Variants in FTCDNL1 observed in about 807,000 individuals in gnomAD.
The protein encoded by FTCDNL1 is formiminotransferase N-terminal subdomain-containing protein.
Under a neutral mutation model 5.9 loss-of-function variants are expected in FTCDNL1, and 11 were observed. The observed-to-expected ratio is 1.87, with a 90% confidence interval of 1.18 to 3.10. FTCDNL1 has a LOEUF of 3.10. Among genes scored for constraint, FTCDNL1 ranks in the 30% most tolerant of loss-of-function variants. The pLI is 0.00. For missense variants in FTCDNL1, 115 were observed against 65.5 expected (o/e 1.76, Z -2.61); for synonymous variants, 58 against 24.8 (o/e 2.34, Z -3.99).
At chr2:199,750,820 A>G in the FTCDNL1 span, among the ~76,000 whole-genome samples, 1 of 152,272 alleles carries the variant, frequency 6.6e-6, no homozygotes, top group African/African-American at 2.4e-5. Flanking sequence ...TATCTAAGAT[A>G]GGAAGCCAGG....
chr2:199,714,187 T>G, the FTCDNL1 span, among the ~76,000 whole-genome samples: 26 of 152,356 alleles, frequency 1.7e-4, no homozygotes, highest in Admixed American at 1.5e-3. Flanking sequence ...TTATGTCTCA[T>G]GCCTACTTTC....
chr2:199,765,556 A>ATATATATTTTTTTTTTTTTTTTTTTTT, intron 3 of FTCDNL1, among the ~76,000 whole-genome samples: 3 of 42,666 alleles, frequency 7.0e-5, no homozygotes, highest in Non-Finnish European at 1.4e-4. Context: ...ATATATATAT[A>ATATATATTTTTTTTTTTTTTTTTTTTT]TTTTTTTTTT....
chr2:199,712,436 G>A, the FTCDNL1 span, among the ~76,000 whole-genome samples: 1 of 152,126 alleles, frequency 6.6e-6, no homozygotes, highest in Non-Finnish European at 1.5e-5. Flanking sequence ...GCTAGAAGAA[G>A]CCTTCTACCT....
At position 199,850,996 on chromosome 2, in the gene FTCDNL1, G is replaced by A. The variant is rs2106635294; in HGVS notation, c.-264C>T. On this transcript the variant is annotated 5_prime_UTR_variant, in exon 1 of 5. Coordinates refer to ENST00000420128, the MANE Select transcript of FTCDNL1 (RefSeq NM_001363886.2). ...GGCGCCTGGGAGCGAGGGGCAGCCGGCGGCTGCGCTGCCCCGGCCGAGCTC... is the reference window on the plus strand; with the variant it reads ...GGCGCCTGGGAGCGAGGGGCAGCCGACGGCTGCGCTGCCCCGGCCGAGCTC... The A allele has an allele frequency of 6.6e-6, 1 of 152,038 alleles. No homozygotes were observed. Among genetic ancestry groups the A allele is most frequent in the Admixed American group, 6.5e-5 (1 of 15,284 alleles). The allele number at this position is 152,038 out of a possible 1,614,324, so 9.4% of individuals were successfully genotyped here.
chr2:199,736,019 T>C, the FTCDNL1 span, among the ~76,000 whole-genome samples: 1 of 152,190 alleles, frequency 6.6e-6, no homozygotes, highest in Non-Finnish European at 1.5e-5. Context: ...CCCAGCAAAG[T>C]CAGAATAGCC....
the FTCDNL1 span, among the ~76,000 whole-genome samples, chr2:199,752,028 G>A: frequency 6.6e-6 from 1 of 152,168 alleles, no homozygotes; most frequent in Admixed American, 6.5e-5. Flanking sequence ...GGAGGGGGCA[G>A]ACTGACTGTC....
chr2:199,822,594 T>C (rs1701767032), intron 3 of FTCDNL1, among the ~76,000 whole-genome samples: 1 of 152,200 alleles, frequency 6.6e-6, no homozygotes, highest in Admixed American at 6.5e-5. Flanking sequence ...TCAATTGGCT[T>C]TTCCTTTCAC....
chr2:199,745,771 C>T, the FTCDNL1 span, among the ~76,000 whole-genome samples: 9 of 152,266 alleles, frequency 5.9e-5, no homozygotes, highest in African/African-American at 1.7e-4. Flanking sequence ...CAACCAGGGT[C>T]GTGACAGTGA....
the FTCDNL1 span, among the ~76,000 whole-genome samples, chr2:199,712,024 C>A: frequency 6.6e-6 from 1 of 152,028 alleles, no homozygotes; most frequent in South Asian, 2.1e-4. Flanking sequence ...ATAGGAGAAT[C>A]CAAAAAGCTT....
the FTCDNL1 span, among the ~76,000 whole-genome samples, chr2:199,741,265 G>A: frequency 3.3e-5 from 5 of 152,184 alleles, no homozygotes; most frequent in South Asian, 1.0e-3. Flanking sequence ...GATAGAGTGA[G>A]ACCCTGTCTC....
chr2:199,697,036 G>A, the FTCDNL1 span, among the ~76,000 whole-genome samples: 3 of 152,160 alleles, frequency 2.0e-5, no homozygotes, highest in Non-Finnish European at 4.4e-5. Context: ...ACTTTGGGAG[G>A]CCAAGGCGGG....
At chr2:199,705,815 A>G in the FTCDNL1 span, among the ~76,000 whole-genome samples, 1 of 152,224 alleles carries the variant, frequency 6.6e-6, no homozygotes, top group Non-Finnish European at 1.5e-5. Flanking sequence ...TACTTGGGGA[A>G]ATACCTGTGA....
chr2:199,783,656 C>T (rs529481652), intron 3 of FTCDNL1, among the ~76,000 whole-genome samples: 1 of 152,168 alleles, frequency 6.6e-6, no homozygotes, highest in African/African-American at 2.4e-5. Context: ...GGCTCCTGTC[C>T]CATACAGCCT....
the FTCDNL1 span, among the ~76,000 whole-genome samples, chr2:199,739,406 T>C: frequency 5.9e-5 from 9 of 152,212 alleles, no homozygotes; most frequent in South Asian, 4.1e-4. Flanking sequence ...TTAGAGTATA[T>C]TGGGCTTATC....
intron 3 of FTCDNL1, among the ~76,000 whole-genome samples, chr2:199,776,916 G>GTGTA (rs1553537473): frequency 3.5e-5 from 5 of 143,454 alleles, no homozygotes; most frequent in Non-Finnish European, 7.5e-5. Flanking sequence ...ATATGTGTAT[G>GTGTA]TATATATATA....
chr2:199,697,494 G>C, the FTCDNL1 span, among the ~76,000 whole-genome samples: 2 of 152,056 alleles, frequency 1.3e-5, no homozygotes, highest in Non-Finnish European at 2.9e-5. Flanking sequence ...TTAAAGAAAA[G>C]AAATTCCAGC....
chr2:199,834,785 G>A (rs1702607680), intron 3 of FTCDNL1, among the ~76,000 whole-genome samples: 1 of 152,204 alleles, frequency 6.6e-6, no homozygotes, highest in African/African-American at 2.4e-5. Context: ...AGGGGAGGGA[G>A]TGAAGTGACC....
Position 199,810,012 on chromosome 2 carries a change from T to C in FTCDNL1, c.*2693A>G, listed in dbSNP as rs538826280. ...GTATTTAGGCTATAATCAGGTAACT[T>C]TATCTACTCTAAACTATCCGAAGGA... On this transcript the variant is annotated 3_prime_UTR_variant, in exon 5 of 5. Coordinates refer to ENST00000420128, the MANE Select transcript of FTCDNL1 (RefSeq NM_001363886.2). 1.3e-3 allele frequency among the ~76,000 whole-genome samples: 201 copies of C among 152,258 alleles called. 1 individual carries two copies. Among genetic ancestry groups the C allele is most frequent in the Non-Finnish European group, 2.5e-3 (172 of 68,012 alleles).
chr2:199,736,573 C>T, the FTCDNL1 span, among the ~76,000 whole-genome samples: 5 of 152,188 alleles, frequency 3.3e-5, no homozygotes, highest in Admixed American at 6.5e-5. Flanking sequence ...CTCTGTATTG[C>T]TAATTCAATC....
Sources: allele counts gnomAD v4.1 joint callset (sites outside exome capture counted in the v4.1 genomes callset), GRCh38; gene constraint gnomAD v4.1.1; transcripts MANE v1.5; gene names NCBI Gene and HGNC (gene_info 2026-07-23, HGNC 2026-07-21).